Variants in ADAMTS6 observed in about 807,000 individuals in gnomAD.
The protein encoded by ADAMTS6 is A disintegrin and metalloproteinase with thrombospondin motifs 6.
ADAMTS6 carries 23 observed loss-of-function variants against 144.3 expected under a neutral mutation model. The observed-to-expected ratio is 0.16, with a 90% CI of 0.11 to 0.23. ADAMTS6 has a LOEUF of 0.23. ADAMTS6 is among the 10% of genes least tolerant of loss of function. The pLI is 1.00. For missense variants in ADAMTS6, 999 were observed against 1,379.6 expected, an observed-to-expected ratio of 0.72 and a Z score of 4.37; for synonymous variants, 444 against 457.5, an observed-to-expected ratio of 0.97 and a Z score of 0.38.
chr5:65,199,530 G>T (rs543603956), intron 20 of ADAMTS6, among the ~76,000 whole-genome samples: 27 of 152,170 alleles, frequency 1.8e-4, no homozygotes, highest in Non-Finnish European at 2.6e-4. Context: ...CATAATATTT[G>T]TTATCAAAAA....
At chr5:65,292,832 C>T (rs1160780621) in intron 10 of ADAMTS6, among the ~76,000 whole-genome samples, 1 of 152,084 alleles carries the variant, frequency 6.6e-6, no homozygotes, top group East Asian at 1.9e-4. Flanking sequence ...TTTGTCACTG[C>T]TCAAGGTATC....
chr5:65,216,512 G>A (rs762487261), intron 18 of ADAMTS6, among the ~76,000 whole-genome samples: 3 of 151,838 alleles, frequency 2.0e-5, no homozygotes, highest in Non-Finnish European at 4.4e-5. Flanking sequence ...TGTTTCAAAC[G>A]CCACTTAATT....
chr5:65,321,211 G>C (rs1330297577), intron 9 of ADAMTS6, among the ~76,000 whole-genome samples: 1 of 152,056 alleles, frequency 6.6e-6, no homozygotes, highest in Non-Finnish European at 1.5e-5. Flanking sequence ...CACCAGCATC[G>C]GTTAATTTTG....
At chr5:65,424,380 T>G (rs994420044) in intron 7 of ADAMTS6, among the ~76,000 whole-genome samples, 2 of 152,256 alleles carry the variant, frequency 1.3e-5, no homozygotes, top group African/African-American at 4.8e-5. Context: ...CTCATCCACC[T>G]ATCAACCAAA....
At chr5:65,383,514 C>G (rs752240613) in intron 7 of ADAMTS6, among the ~76,000 whole-genome samples, 2 of 152,196 alleles carry the variant, frequency 1.3e-5, no homozygotes, top group East Asian at 3.8e-4. Context: ...GAATAATTGA[C>G]TCCATGACTC....
intron 24 of ADAMTS6, among the ~76,000 whole-genome samples, chr5:65,155,022 C>T (rs1030410995): frequency 2.0e-5 from 3 of 152,084 alleles, no homozygotes; most frequent in Non-Finnish European, 4.4e-5. Flanking sequence ...ATGGAAGATC[C>T]GGTTCCTACT....
At chr5:65,398,322 ATACAT>A (rs1312369757) in intron 7 of ADAMTS6, among the ~76,000 whole-genome samples, 6 of 152,242 alleles carry the variant, frequency 3.9e-5, no homozygotes, top group African/African-American at 2.4e-5. Context: ...TTAGGCAAAT[ATACAT>A]TAAAGATTGT....
intron 14 of ADAMTS6, among the ~76,000 whole-genome samples, chr5:65,252,882 CT>C (rs1468940689): frequency 1.3e-5 from 2 of 151,892 alleles, no homozygotes; most frequent in African/African-American, 4.8e-5. Flanking sequence ...ATTTTCTTTT[CT>C]GTTTCTTTTT....
chr5:65,224,927 C>T lies in ADAMTS6; in HGVS notation c.2188G>A (p.Gly730Arg), dbSNP rs1335990085. ...AGAGTTCTCTCTACATACTCACCTC[C>T]CCTGGGCAGTGAATCATTGAAGAAC... ...EGFFNDSLPR[G>R]GYMEVVQIPR... is the part of the protein sequence containing the mutation. Residue 730 changes from glycine (G) to arginine (R), a missense_variant, in exon 17 of 25, where the codon GGA (glycine) becomes AGA (arginine). Coordinates refer to ENST00000381055, the MANE Select transcript of ADAMTS6 (RefSeq NM_197941.4). 3 of 1,613,138 alleles carry T rather than the reference C, an allele frequency of 1.9e-6. No homozygotes were observed. Among genetic ancestry groups the T allele is most frequent in the Admixed American group, 1.7e-5 (1 of 59,798 alleles).
At chr5:65,302,064 C>A (rs1743437111) in intron 9 of ADAMTS6, among the ~76,000 whole-genome samples, 1 of 132,834 alleles carries the variant, frequency 7.5e-6, no homozygotes, top group African/African-American at 2.9e-5. Flanking sequence ...TATACTATAG[C>A]TAGGGTAACA....
chr5:65,164,586 A>G (rs1399916697), intron 24 of ADAMTS6, among the ~76,000 whole-genome samples: 2 of 148,694 alleles, frequency 1.3e-5, no homozygotes, highest in African/African-American at 5.0e-5. Context: ...CAGGGCACAG[A>G]CAAACAAAAA....
intron 11 of ADAMTS6, 149 bp from the exon 12 acceptor site, chr5:65,273,596 G>T: frequency 3.7e-6 from 2 of 540,194 alleles, no homozygotes; most frequent in South Asian, 5.9e-5. Flanking sequence ...TTTGGAGGAG[G>T]TTTTTATGAA....
intron 7 of ADAMTS6, among the ~76,000 whole-genome samples, chr5:65,426,790 C>G (rs1414889454): frequency 4.0e-5 from 6 of 151,262 alleles, no homozygotes; most frequent in Non-Finnish European, 7.4e-5. Context: ...AAAAGAGACC[C>G]AGGAGAAAAC....
intron 7 of ADAMTS6, among the ~76,000 whole-genome samples, chr5:65,335,608 A>G (rs997474284): frequency 6.6e-6 from 1 of 152,180 alleles, no homozygotes; most frequent in African/African-American, 2.4e-5. Context: ...CTGGTCTACC[A>G]GTTTGCTGAA....
chr5:65,470,111 T>C (rs1225312689), intron 3 of ADAMTS6, among the ~76,000 whole-genome samples: 1 of 152,146 alleles, frequency 6.6e-6, no homozygotes, highest in African/African-American at 2.4e-5. Flanking sequence ...TTTTTAGAAA[T>C]GGGTGCCTCG....
intron 7 of ADAMTS6, 131 bp from the exon 8 acceptor site, chr5:65,334,216 C>A: frequency 9.6e-7 from 1 of 1,043,436 alleles, no homozygotes; most frequent in East Asian, 2.9e-5. Flanking sequence ...ACTGGAGTGT[C>A]GGCATTTTCA....
At chr5:65,404,035 C>T (rs1478724307) in intron 7 of ADAMTS6, among the ~76,000 whole-genome samples, 1 of 151,936 alleles carries the variant, frequency 6.6e-6, no homozygotes, top group Non-Finnish European at 1.5e-5. Context: ...CCCAAGTTGG[C>T]AATGAAATCC....
chr5:65,255,183 G>A (rs1320981111), intron 14 of ADAMTS6, among the ~76,000 whole-genome samples: 1 of 152,124 alleles, frequency 6.6e-6, no homozygotes, highest in Non-Finnish European at 1.5e-5. Flanking sequence ...ACCAATTCTG[G>A]TAATCTCATT....
chr5:65,189,224 G>A (rs1023382920), intron 21 of ADAMTS6, among the ~76,000 whole-genome samples: 1 of 152,148 alleles, frequency 6.6e-6, no homozygotes, highest in African/African-American at 2.4e-5. Context: ...CAGGGGGTTT[G>A]TGGTTTGTTT....
Sources: allele counts gnomAD v4.1 joint callset (sites outside exome capture counted in the v4.1 genomes callset), GRCh38; gene constraint gnomAD v4.1.1; transcripts MANE v1.5; gene names NCBI Gene and HGNC (gene_info 2026-07-23, HGNC 2026-07-21).